The following JADE1 variants were observed in gnomAD, a reference collection of about 807,000 sequenced individuals.
JADE1 encodes protein Jade-1.
A neutral mutation model predicts 81.8 loss-of-function variants in JADE1; 14 were observed. The ratio of observed to expected loss-of-function variants is 0.17; its 90% CI spans 0.11 to 0.27. JADE1 has a LOEUF of 0.27. Among genes scored for constraint, JADE1 ranks in the 10% least tolerant of loss-of-function variants. The probability of loss-of-function intolerance (pLI) is 1.00; values close to 1 mark genes in which losing one functional copy is unlikely to be tolerated. For missense variants in JADE1, 690 were observed against 1,047.9 expected, an observed-to-expected ratio of 0.66 and a Z score of 4.71; for synonymous variants, 353 against 391.9, an observed-to-expected ratio of 0.90 and a Z score of 1.17.
intron 9 of JADE1, among the ~76,000 whole-genome samples, chr4:128,865,182 C>T (rs1295587674): frequency 1.3e-5 from 2 of 152,172 alleles, no homozygotes; most frequent in East Asian, 1.9e-4. Context: ...AAGGCACGTT[C>T]AACTTTAGTG....
chr4:128,813,391 CATTT>C (rs992603126), intron 1 of JADE1, among the ~76,000 whole-genome samples: 2 of 142,884 alleles, frequency 1.4e-5, no homozygotes, highest in African/African-American at 5.1e-5. Context: ...ATCTTAGTCT[CATTT>C]ACTTACGGTC....
intron 1 of JADE1, among the ~76,000 whole-genome samples, chr4:128,822,961 C>T (rs549509821): frequency 6.6e-6 from 1 of 152,028 alleles, no homozygotes; most frequent in Non-Finnish European, 1.5e-5. Flanking sequence ...TGTTTTTCTC[C>T]CCTAATATGT....
At chr4:128,819,979 C>A (rs1353655895) in intron 1 of JADE1, among the ~76,000 whole-genome samples, 1 of 152,132 alleles carries the variant, frequency 6.6e-6, no homozygotes, top group Non-Finnish European at 1.5e-5. Flanking sequence ...TGTGTTTGTG[C>A]AAGTTGATAA....
chr4:128,846,541 G>C lies in JADE1; in HGVS notation c.296+9G>C. On this transcript the variant is annotated intron_variant, in intron 4 of 10. Transcript: ENST00000226319. This position sits in a 1 kb window ranked among gnomAD's most constrained non-coding sequence, Gnocchi z 4.0. ...CCTCAGCCTGTGGCCAGGTAGAGAT[G>C]CCCTGAGGACAGAAGCCTCTCCACC... The C allele has an allele frequency of 6.2e-7, 1 of 1,613,880 alleles. No homozygotes were observed.
chr4:128,843,955 G>A (rs1184417081), intron 3 of JADE1, among the ~76,000 whole-genome samples: 1 of 152,152 alleles, frequency 6.6e-6, no homozygotes, highest in Non-Finnish European at 1.5e-5. Flanking sequence ...CTTTAGAATT[G>A]TGGAAAACCA....
intron 8 of JADE1, among the ~76,000 whole-genome samples, chr4:128,861,248 C>T (rs950723239): frequency 2.0e-5 from 3 of 152,214 alleles, no homozygotes; most frequent in African/African-American, 7.2e-5. Context: ...TGCCACACCT[C>T]CTTTCTCTAC....
At chr4:128,811,611 G>T (rs1726381942) in intron 1 of JADE1, among the ~76,000 whole-genome samples, 2 of 138,024 alleles carry the variant, frequency 1.4e-5, no homozygotes, top group Non-Finnish European at 3.2e-5. Context: ...GTCACCTAAC[G>T]GTCCCAGCTG....
chr4:128,849,975 T>C (rs1306919154), intron 5 of JADE1, among the ~76,000 whole-genome samples: 1 of 152,162 alleles, frequency 6.6e-6, no homozygotes, highest in Non-Finnish European at 1.5e-5. Context: ...AAGGGCCATG[T>C]ATTGTAATCT....
intron 1 of JADE1, among the ~76,000 whole-genome samples, chr4:128,822,090 A>C (rs879799851): frequency 5.3e-5 from 8 of 152,154 alleles, no homozygotes; most frequent in Admixed American, 5.2e-4. Context: ...CTCAGGAAAG[A>C]GGTGGCATAT....
chr4:128,821,797 C>T (rs989960333), intron 1 of JADE1, among the ~76,000 whole-genome samples: 5 of 152,198 alleles, frequency 3.3e-5, no homozygotes, highest in African/African-American at 1.2e-4. Context: ...GCTGGGATTA[C>T]AGGCATGAGC....
chr4:128,866,518 A>G (rs541596305), intron 9 of JADE1, among the ~76,000 whole-genome samples: 153 of 152,264 alleles, frequency 1.0e-3, no homozygotes, highest in African/African-American at 3.3e-3. Flanking sequence ...GGTTTAGTCT[A>G]CACTTACGCT....
At chr4:128,860,033 C>T (rs190435407) in intron 8 of JADE1, among the ~76,000 whole-genome samples, 227 of 152,288 alleles carry the variant, frequency 1.5e-3, no homozygotes, top group Non-Finnish European at 1.6e-3. Flanking sequence ...TATAAATATT[C>T]TGCTGCAGTT....
chr4:128,858,397 A>C (rs1203089930), intron 8 of JADE1, among the ~76,000 whole-genome samples: 2 of 152,052 alleles, frequency 1.3e-5, no homozygotes, highest in Non-Finnish European at 1.5e-5. Flanking sequence ...CACAGGCCAC[A>C]GGCTCTTCTT....
Position 128,846,978 on chromosome 4 carries a change from C to T in JADE1, c.296+446C>T, listed in dbSNP as rs1729925390. 6.6e-6 allele frequency among the ~76,000 whole-genome samples: 1 copy of T among 152,162 alleles called. No individual in the cohort carries two copies. The highest frequency in any genetic ancestry group is 1.5e-5 in the Non-Finnish European group (1 of 68,020). On this transcript the variant is annotated intron_variant, in intron 4 of 10. Transcript: ENST00000226319. The surrounding 1 kb of genome is among the most constrained non-coding windows in gnomAD (Gnocchi z 4.0). ...CTCTGCCTACTGCGGTTGCCTCTGC[C>T]TTTGGAGGAGGACAGGTGTTAGGAG...
chr4:128,863,746 G>A, intron 9 of JADE1: 2 of 985,372 alleles, frequency 2.0e-6, no homozygotes, highest in Non-Finnish European at 2.4e-6. Context: ...GATGAGAAAA[G>A]GATTGAGAAG....
chr4:128,862,864 T>A, intron 9 of JADE1: 1 of 988,788 alleles, frequency 1.0e-6, no homozygotes, highest in Non-Finnish European at 1.2e-6. Flanking sequence ...AAGATACTCC[T>A]GGCAGTGAGG....
rs984597703 is a variant in JADE1 at position 128,872,202 on chromosome 4, C to T, written c.2469C>T (p.His823=). 11 of 1,614,058 alleles carry T rather than the reference C, an allele frequency of 6.8e-6. No homozygotes were observed. In the African/African-American group the frequency reaches 1.3e-4, roughly 20 times the overall value. Residue 823 remains histidine (H), a synonymous_variant, in exon 11 of 11, where the codon CAC becomes CAT. Coordinates refer to ENST00000226319, the MANE Select transcript of JADE1 (RefSeq NM_199320.4). Reference sequence around the variant, plus strand: ...AGGCATCAGAAAAGAAATGTATACACACCAGCAGCACTATCAGCAGAAGGA... The same window carrying T: ...AGGCATCAGAAAAGAAATGTATACATACCAGCAGCACTATCAGCAGAAGGA... ...ESEASEKKCI[H]TSSTISRRTD... is the part of the protein sequence containing the mutation.
chr4:128,852,343 G>A, intron 6 of JADE1, 75 bp downstream of exon 6: 1 of 1,198,922 alleles, frequency 8.3e-7, no homozygotes, highest in South Asian at 1.3e-5. Flanking sequence ...TATGCCTGGA[G>A]TCCAGGATTC....
At chr4:128,842,880 A>C in intron 2 of JADE1, 73 bp from the exon 3 acceptor site, 1 of 1,365,994 alleles carries the variant, frequency 7.3e-7, no homozygotes, top group Non-Finnish European at 1.0e-6. Flanking sequence ...GAGTTTGGGT[A>C]AGAAAACCCC....
Sources: gnomAD v4.1 joint callset for allele counts (sites outside exome capture counted in the v4.1 genomes callset) on GRCh38, gnomAD v4.1.1 for gene constraint, Gnocchi (gnomAD v3.1) non-coding constraint, MANE v1.5 for transcripts, NCBI Gene and HGNC (gene_info 2026-07-23, HGNC 2026-07-21) for gene names.